The following PACRG variants were observed in gnomAD, a reference collection of about 807,000 sequenced individuals.
The protein encoded by PACRG is parkin coregulated gene protein.
PACRG carries 29 observed loss-of-function variants against 29.7 expected under a neutral mutation model. The observed-to-expected ratio is 0.98, with a 90% CI of 0.73 to 1.33. The LOEUF (loss-of-function observed/expected upper bound fraction) is 1.33. Ranked by LOEUF, PACRG falls within the 40% of genes most tolerant of loss-of-function variation. The pLI, the probability that PACRG is intolerant of heterozygous loss-of-function variation, is 0.00. For synonymous variants in PACRG, 116 were observed against 118.7 expected (o/e 0.98, Z 0.15); for missense variants, 279 against 316.2 (o/e 0.88, Z 0.89).
intron 2 of PACRG, among the ~76,000 whole-genome samples, chr6:162,858,786 C>T (rs1184132862): frequency 6.6e-6 from 1 of 152,150 alleles, no homozygotes; most frequent in African/African-American, 2.4e-5. Flanking sequence ...CATTCCTTCC[C>T]TCCTGGTATA....
chr6:162,981,290 C>CAT lies in PACRG; in HGVS notation c.292-80845_292-80844dup, dbSNP rs150972042. Reference sequence around the variant, plus strand: ...TATTTATATATTTTTATGTATAAAACATATATATATATATATTTACAATGG... The same window carrying CAT: ...TATTTATATATTTTTATGTATAAAACATATATATATATATATATTTACAATGG... On this transcript the variant is annotated intron_variant, in intron 2 of 4. Transcript: ENST00000366888. Among the ~76,000 whole-genome samples, 392 of 139,474 alleles carry CAT rather than the reference C, an allele frequency of 2.8e-3. 2 individuals carry two copies. The highest frequency in any genetic ancestry group is 0.014 in the East Asian group (70 of 4,954). 91.5% of individuals were successfully genotyped at this position (139,474 alleles called of 152,430 possible). A position where few individuals can be genotyped will look rare whatever the true frequency, so the allele number is the denominator to read the frequency against.
intron 2 of PACRG, among the ~76,000 whole-genome samples, chr6:162,881,708 G>A (rs898200617): frequency 3.3e-5 from 5 of 150,548 alleles, no homozygotes; most frequent in Non-Finnish European, 7.4e-5. Flanking sequence ...GAGACTGGGG[G>A]TGGGGGGGTG....
chr6:163,299,497 G>A (rs1362056399), intron 4 of PACRG, among the ~76,000 whole-genome samples: 1 of 152,142 alleles, frequency 6.6e-6, no homozygotes, highest in Non-Finnish European at 1.5e-5. Flanking sequence ...CAGGAAGGTT[G>A]CCTGTCCCTC....
At chr6:163,097,000 C>A in intron 4 of PACRG, among the ~76,000 whole-genome samples, 1 of 152,198 alleles carries the variant, frequency 6.6e-6, no homozygotes, top group Admixed American at 6.5e-5. Context: ...CAAACTTTCA[C>A]TGCTCAGCTC....
intron 4 of PACRG, among the ~76,000 whole-genome samples, chr6:163,247,889 G>A (rs1053880778): frequency 6.6e-6 from 1 of 152,100 alleles, no homozygotes; most frequent in African/African-American, 2.4e-5. Flanking sequence ...TGTGAAGTTG[G>A]TTTTTATTCT....
intron 3 of PACRG, among the ~76,000 whole-genome samples, chr6:163,088,299 CT>C (rs1347096144): frequency 2.0e-5 from 3 of 152,166 alleles, no homozygotes; most frequent in African/African-American, 7.2e-5. Flanking sequence ...AAATAAGAGC[CT>C]TTGACTTCTT....
At chr6:162,952,063 C>T (rs1799694110) in intron 2 of PACRG, among the ~76,000 whole-genome samples, 1 of 152,312 alleles carries the variant, frequency 6.6e-6, no homozygotes, top group East Asian at 1.9e-4. Context: ...TCCTACGTAG[C>T]TGAAACTGAA....
At chr6:163,041,959 G>A (rs1010746163) in intron 2 of PACRG, among the ~76,000 whole-genome samples, 4 of 152,162 alleles carry the variant, frequency 2.6e-5, no homozygotes, top group East Asian at 1.9e-4. Context: ...TCCGCCTCCC[G>A]GGTTCAAGCG....
At chr6:163,277,133 G>A (rs2128182429) in intron 4 of PACRG, among the ~76,000 whole-genome samples, 1 of 151,264 alleles carries the variant, frequency 6.6e-6, no homozygotes, top group South Asian at 2.1e-4. Context: ...ATAGTTTTTG[G>A]GGAACAGGTG....
chr6:163,187,598 C>G (rs1423422966), intron 4 of PACRG: 1 of 152,334 alleles, frequency 6.6e-6, no homozygotes, highest in East Asian at 1.9e-4. Flanking sequence ...TTCCCAGCCC[C>G]GAATCCCACC....
chr6:163,294,155 C>A (rs1388928004), intron 4 of PACRG, among the ~76,000 whole-genome samples: 1 of 151,992 alleles, frequency 6.6e-6, no homozygotes, highest in African/African-American at 2.4e-5. Flanking sequence ...AATTGTACTT[C>A]TTTGTATTAA....
At chr6:163,239,120 T>C (rs1013750636) in intron 4 of PACRG, among the ~76,000 whole-genome samples, 4 of 152,222 alleles carry the variant, frequency 2.6e-5, no homozygotes, top group Non-Finnish European at 4.4e-5. Flanking sequence ...AAGGCACTTA[T>C]TCTTTTTGAA....
chr6:162,922,406 C>A (rs1797129135), intron 2 of PACRG, among the ~76,000 whole-genome samples: 1 of 151,542 alleles, frequency 6.6e-6, no homozygotes, highest in South Asian at 2.1e-4. Flanking sequence ...TCCATCATCT[C>A]AGACATTTAT....
chr6:162,830,858 T>G (rs2128393136), intron 2 of PACRG, among the ~76,000 whole-genome samples: 1 of 152,340 alleles, frequency 6.6e-6, no homozygotes, highest in South Asian at 2.1e-4. Flanking sequence ...TGCTGGAACC[T>G]TCTTACTTTT....
At chr6:162,785,645 G>C (rs143644497) in intron 1 of PACRG, among the ~76,000 whole-genome samples, 138 of 152,294 alleles carry the variant, frequency 9.1e-4, no homozygotes, top group Non-Finnish European at 1.4e-3. Flanking sequence ...TCAGGCATTA[G>C]TTAGATTCTC....
intron 4 of PACRG, chr6:163,312,706 CT>C (rs1413378388): frequency 7.9e-6 from 3 of 378,488 alleles, no homozygotes; most frequent in African/African-American, 4.5e-5. Flanking sequence ...GGCAAGGACC[CT>C]TTTGTTTCAA....
chr6:162,880,909 A>G (rs1019451118), intron 2 of PACRG, among the ~76,000 whole-genome samples: 3 of 152,234 alleles, frequency 2.0e-5, no homozygotes, highest in Admixed American at 1.3e-4. Context: ...TGCATCGTTC[A>G]GGGCGTGGCA....
chr6:163,175,635 T>C (rs1779309829), intron 4 of PACRG, among the ~76,000 whole-genome samples: 1 of 151,790 alleles, frequency 6.6e-6, no homozygotes, highest in African/African-American at 2.4e-5. Flanking sequence ...GGACGGAATG[T>C]CGGGAGCAGG....
intron 2 of PACRG, among the ~76,000 whole-genome samples, chr6:162,832,028 A>G (rs1237150216): frequency 6.6e-6 from 1 of 152,220 alleles, no homozygotes; most frequent in Non-Finnish European, 1.5e-5. Context: ...ATACCCAGGA[A>G]TGGGATTGCT....
Sources: gnomAD v4.1 joint callset for allele counts (sites outside exome capture counted in the v4.1 genomes callset) on GRCh38, gnomAD v4.1.1 for gene constraint, MANE v1.5 for transcripts, NCBI Gene and HGNC (gene_info 2026-07-23, HGNC 2026-07-21) for gene names.